Variants in ADAMTS9 observed in about 807,000 individuals in gnomAD.
ADAMTS9 encodes the protein A disintegrin and metalloproteinase with thrombospondin motifs 9.
In ADAMTS9, 107 loss-of-function variants were observed where a neutral mutation model predicts 257.1. The observed-to-expected ratio is 0.42, with a 90% CI of 0.36 to 0.49. ADAMTS9 has a LOEUF of 0.49. Ranked by LOEUF, ADAMTS9 falls within the 20% of genes least tolerant of loss-of-function variation. The pLI, the probability that ADAMTS9 is intolerant of heterozygous loss-of-function variation, is 0.03. For synonymous variants in ADAMTS9, 982 were observed against 880.9 expected (o/e 1.11, Z -2.03); for missense variants, 2,353 against 2,469.1 (o/e 0.95, Z 1.00).
At chr3:64,635,681 G>C (rs1364992467) in intron 12 of ADAMTS9, among the ~76,000 whole-genome samples, 1 of 152,168 alleles carries the variant, frequency 6.6e-6, no homozygotes, top group Non-Finnish European at 1.5e-5. Context: ...AGCAGAGTCA[G>C]GACTGGAATC....
Position 64,621,348 on chromosome 3 carries a change from C to A in ADAMTS9, c.2687-108G>T, listed in dbSNP as rs965531837. 62 of 1,284,640 alleles carry A rather than the reference C, an allele frequency of 4.8e-5. No homozygotes were observed. The African/African-American group carries it at 7.9e-4, about 16-fold the overall frequency. The allele number at this position is 1,284,640 out of a possible 1,614,324, so 79.6% of individuals were successfully genotyped here. A position where few individuals can be genotyped will look rare whatever the true frequency, so the allele number is the denominator to read the frequency against. ...CTCTAAAGAGCCAGACAGTAAATAT[C>A]TTCAGAGCGTATGATCTCTGTTGCA... On this transcript the variant is annotated intron_variant, in intron 18 of 39. Coordinates refer to ENST00000498707, the MANE Select transcript of ADAMTS9 (RefSeq NM_182920.2).
intron 16 of ADAMTS9, among the ~76,000 whole-genome samples, chr3:64,626,084 T>C (rs935160612): frequency 6.6e-6 from 1 of 152,228 alleles, no homozygotes; most frequent in Non-Finnish European, 1.5e-5. Flanking sequence ...AGTTTCTTCC[T>C]CTGTATAATG....
Position 64,654,607 on chromosome 3 carries a change from T to A in ADAMTS9, c.1175A>T (p.Asp392Val). The change falls in exon 7 of 40, where the codon GAT becomes GTT. Residue 392 changes from aspartate to valine, a missense_variant. Transcript: ENST00000498707. Reference sequence around the variant, plus strand: ...ACATTTGTCGTGAGCTCTGCAGATATCCTGTCTGAAAGCAAAGCAGACTTA... The same window carrying A: ...ACATTTGTCGTGAGCTCTGCAGATAACCTGTCTGAAAGCAAAGCAGACTTA... ...HDTAVLLTRQ[D>V]ICRAHDKCDT... 6.2e-7 allele frequency: 1 copy of A among 1,614,162 alleles called. No homozygotes were observed. The highest frequency in any genetic ancestry group is 1.1e-5 in the South Asian group (1 of 91,088).
chr3:64,634,029 T>C, intron 12 of ADAMTS9, 150 bp from the exon 13 acceptor site: 1 of 710,760 alleles, frequency 1.4e-6, no homozygotes, highest in South Asian at 1.9e-5. Flanking sequence ...TGATCCCTGG[T>C]TTTGCATCCT....
Position 64,622,281 on chromosome 3 carries a change from AAAG to A in ADAMTS9, c.2600_2602del (p.Ser867del). The A allele has an allele frequency of 6.2e-7, 1 of 1,613,970 alleles. No individual in the cohort carries two copies. ...AGGTTTATCTTCAATTGGAATATTG[AAAG>A]AATAGCGTACATCGGGGTTGTACAA... On this transcript the variant is annotated inframe_deletion, in exon 18 of 40. Transcript: ENST00000498707.
intron 32 of ADAMTS9, among the ~76,000 whole-genome samples, chr3:64,546,274 T>C (rs991882679): frequency 5.3e-5 from 8 of 152,170 alleles, no homozygotes; most frequent in African/African-American, 1.9e-4. Flanking sequence ...ATACTTGCAG[T>C]ATTACTAGTT....
intron 12 of ADAMTS9, among the ~76,000 whole-genome samples, 166 bp downstream of exon 12, chr3:64,641,682 T>A (rs971164717): frequency 6.6e-6 from 1 of 151,948 alleles, no homozygotes; most frequent in Non-Finnish European, 1.5e-5. Context: ...CAGGGGGAAG[T>A]GCCTGGGAAT....
At chr3:64,655,537 C>G in intron 6 of ADAMTS9, 39 bp downstream of exon 6, 2 of 1,532,372 alleles carry the variant, frequency 1.3e-6, no homozygotes, top group Non-Finnish European at 1.8e-6. Flanking sequence ...TCAACTTGAC[C>G]TGAGACTGAA....
intron 28 of ADAMTS9, among the ~76,000 whole-genome samples, chr3:64,575,438 C>A (rs2083816021): frequency 6.6e-6 from 1 of 152,138 alleles, no homozygotes; most frequent in Admixed American, 6.5e-5. Context: ...TGGTGTTGTT[C>A]AAAAACCACA....
rs147430679 is a variant in ADAMTS9 at position 64,665,183 on chromosome 3, G to A, written c.680-6392C>T. On this transcript the variant is annotated intron_variant, in intron 3 of 39. Transcript: ENST00000498707. Reference sequence around the variant, plus strand: ...TATGTTTCCTATCGCCACATCATAGGTATTACAGTTCTCACATTTTATTAC... The same window carrying A: ...TATGTTTCCTATCGCCACATCATAGATATTACAGTTCTCACATTTTATTAC... Among the ~76,000 whole-genome samples the A allele has an allele frequency of 8.5e-5, 13 of 152,264 alleles. No individual in the cohort carries two copies. The East Asian group carries it at 2.5e-3, about 29-fold the overall frequency.
At chr3:64,626,932 T>C (rs980912241) in intron 16 of ADAMTS9, among the ~76,000 whole-genome samples, 4 of 152,176 alleles carry the variant, frequency 2.6e-5, no homozygotes, top group African/African-American at 9.6e-5. Flanking sequence ...GGAGTTTCAA[T>C]GGGTCACTGA....
chr3:64,662,508 C>T (rs1404659927), intron 3 of ADAMTS9, among the ~76,000 whole-genome samples: 2 of 152,020 alleles, frequency 1.3e-5, no homozygotes, highest in Admixed American at 6.6e-5. Flanking sequence ...CTGAAGTTTC[C>T]AATTATTGTT....
rs757753069 is a variant in ADAMTS9 at position 64,654,385 on chromosome 3, T to G, written c.1284A>C (p.Thr428=). The change falls in exon 8 of 40, where the codon ACA becomes ACC. Residue 428 remains threonine, a synonymous_variant. Coordinates refer to ENST00000498707, the MANE Select transcript of ADAMTS9 (RefSeq NM_182920.2). ...CCAGCTCATGGGCGATCGTAAAAGCTGTACTCAATCCACTATCTTCACTAA... is the reference window on the plus strand; with the variant it reads ...CCAGCTCATGGGCGATCGTAAAAGCGGTACTCAATCCACTATCTTCACTAA... ...CSISEDSGLS[T]AFTIAHELGH... The G allele has an allele frequency of 8.7e-6, 14 of 1,614,014 alleles. No homozygotes were observed. In the Admixed American group the frequency reaches 2.2e-4, roughly 25 times the overall value.
At chr3:64,623,437 G>C (rs1215502043) in intron 16 of ADAMTS9, among the ~76,000 whole-genome samples, 1 of 152,156 alleles carries the variant, frequency 6.6e-6, no homozygotes, top group East Asian at 1.9e-4. Flanking sequence ...GGATTCTCCA[G>C]CCCTAGTTGA....
Position 64,516,208 on chromosome 3 carries a change from C to T in ADAMTS9, c.*919G>A, listed in dbSNP as rs1305144085. 2 of 152,486 alleles carry T rather than the reference C, an allele frequency of 1.3e-5. No homozygotes were observed. Among genetic ancestry groups the T allele is most frequent in the African/African-American group, 4.8e-5 (2 of 41,424 alleles). 9.4% of individuals were successfully genotyped at this position (152,486 alleles called of 1,614,324 possible). A position where few individuals can be genotyped will look rare whatever the true frequency, so the allele number is the denominator to read the frequency against. ...CATCCTGTGTCTTTCTACTGGTAAA[C>T]TTGGATGTCATTTTAGAGTATCTTG... On this transcript the variant is annotated 3_prime_UTR_variant, in exon 40 of 40. Coordinates refer to ENST00000498707, the MANE Select transcript of ADAMTS9 (RefSeq NM_182920.2).
chr3:64,649,552 T>C (rs943959436), intron 10 of ADAMTS9, 85 bp downstream of exon 10: 2 of 1,457,740 alleles, frequency 1.4e-6, no homozygotes, highest in South Asian at 1.4e-5. Flanking sequence ...TAGTTTATAG[T>C]CGAGTTAGAA....
chr3:64,584,643 A>T (rs2084099930), intron 28 of ADAMTS9, among the ~76,000 whole-genome samples: 1 of 152,140 alleles, frequency 6.6e-6, no homozygotes, highest in African/African-American at 2.4e-5. Context: ...AAAGTAACTT[A>T]TTTTGAAAAT....
intron 10 of ADAMTS9, among the ~76,000 whole-genome samples, chr3:64,648,560 A>AT (rs1359244309): frequency 9.9e-5 from 15 of 152,180 alleles, no homozygotes; most frequent in Non-Finnish European, 1.3e-4. Flanking sequence ...ATTTTAAAAG[A>AT]TTTTTTATCT....
intron 19 of ADAMTS9, among the ~76,000 whole-genome samples, chr3:64,616,449 CAAAAGG>C (rs1233567551): frequency 1.3e-5 from 2 of 152,086 alleles, no homozygotes; most frequent in African/African-American, 2.4e-5. Flanking sequence ...TTCAAGCTAC[CAAAAGG>C]AAAACATTTT....
Sources: allele counts gnomAD v4.1 joint callset (sites outside exome capture counted in the v4.1 genomes callset), GRCh38; gene constraint gnomAD v4.1.1; transcripts MANE v1.5; gene names NCBI Gene and HGNC (gene_info 2026-07-23, HGNC 2026-07-21).